Variants in DACH1 observed in about 807,000 individuals in gnomAD.
DACH1 encodes dachshund family transcription factor 1.
A neutral mutation model predicts 54.2 loss-of-function variants in DACH1; 12 were observed. That is an observed-to-expected ratio of 0.22 (90% CI 0.14 to 0.36). The LOEUF (loss-of-function observed/expected upper bound fraction) is 0.36, where lower values mean the gene tolerates loss of function less well. Ranked by LOEUF, DACH1 falls within the 10% of genes least tolerant of loss-of-function variation. The probability of loss-of-function intolerance (pLI) is 1.00; values close to 1 mark genes in which losing one functional copy is unlikely to be tolerated. For synonymous variants in DACH1, 386 were observed against 366.2 expected (o/e 1.05, Z -0.62); for missense variants, 805 against 929.8 (o/e 0.87, Z 1.75).
At chr13:71,594,416 A>G (rs1486395666) in intron 3 of DACH1, among the ~76,000 whole-genome samples, 4 of 152,106 alleles carry the variant, frequency 2.6e-5, no homozygotes, top group Non-Finnish European at 5.9e-5. Flanking sequence ...TTTTACTTTT[A>G]TAGATATTTT....
At chr13:71,819,646 C>T (rs1370189551) in intron 1 of DACH1, among the ~76,000 whole-genome samples, 1 of 152,152 alleles carries the variant, frequency 6.6e-6, no homozygotes, top group African/African-American at 2.4e-5. Context: ...ACATTCCATT[C>T]TCCACTACTG....
At position 71,808,037 on chromosome 13, in the gene DACH1, C is replaced by G. The variant is rs145685014; in HGVS notation, c.848+57885G>C. Among the ~76,000 whole-genome samples the G allele has an allele frequency of 2.8e-3, 427 of 152,260 alleles. 2 individuals are homozygous for G. Among genetic ancestry groups the G allele is most frequent in the African/African-American group, 9.9e-3 (411 of 41,550 alleles). On this transcript the variant is annotated intron_variant, in intron 1 of 10. Coordinates refer to ENST00000613252, the MANE Select transcript of DACH1 (RefSeq NM_080759.6). ...ACATCTCCCCTGCTTAATATCCTTA[C>G]ACATAAGATTCTTTGTGATCTGACC...
chr13:71,606,532 G>A (rs149160438), intron 3 of DACH1, among the ~76,000 whole-genome samples: 1 of 152,012 alleles, frequency 6.6e-6, no homozygotes, highest in East Asian at 1.9e-4. Flanking sequence ...TCAGGAGGTA[G>A]AATGAGTGTT....
chr13:71,753,520 C>T (rs912871085), intron 1 of DACH1, among the ~76,000 whole-genome samples: 4 of 152,006 alleles, frequency 2.6e-5, no homozygotes, highest in African/African-American at 7.2e-5. Flanking sequence ...TTTCATTTAT[C>T]GCTTACCAAG....
intron 1 of DACH1, among the ~76,000 whole-genome samples, chr13:71,805,958 C>A: frequency 6.6e-6 from 1 of 152,078 alleles, no homozygotes; most frequent in East Asian, 1.9e-4. Context: ...CAGGCTTGTG[C>A]CACCATGCCC....
At chr13:71,748,846 CTT>C (rs1258177592) in intron 1 of DACH1, among the ~76,000 whole-genome samples, 12 of 27,946 alleles carry the variant, frequency 4.3e-4, no homozygotes, top group Non-Finnish European at 9.7e-4. Context: ...TATTTTTTCT[CTT>C]TCTTTCTTTC....
At chr13:71,607,012 G>C (rs564339196) in intron 3 of DACH1, among the ~76,000 whole-genome samples, 1 of 151,866 alleles carries the variant, frequency 6.6e-6, no homozygotes, top group Non-Finnish European at 1.5e-5. Flanking sequence ...TCATGTGATT[G>C]GGAACAAAGG....
intron 10 of DACH1, among the ~76,000 whole-genome samples, chr13:71,441,847 T>C (rs546620834): frequency 4.3e-4 from 66 of 152,222 alleles, no homozygotes; most frequent in Non-Finnish European, 8.4e-4. Flanking sequence ...CCAAATTATA[T>C]ATTCCTCTCA....
At chr13:71,579,175 T>C (rs370460820) in intron 3 of DACH1, among the ~76,000 whole-genome samples, 21 of 152,112 alleles carry the variant, frequency 1.4e-4, no homozygotes, top group African/African-American at 4.6e-4. Flanking sequence ...GCTGTTTTGA[T>C]ATATTTATTT....
At chr13:71,749,376 C>G (rs1884821540) in intron 1 of DACH1, among the ~76,000 whole-genome samples, 1 of 151,900 alleles carries the variant, frequency 6.6e-6, no homozygotes, top group Admixed American at 6.6e-5. Context: ...TATCCAATGA[C>G]TAATTTCTAT....
intron 1 of DACH1, 148 bp downstream of exon 1, chr13:71,865,774 C>G: frequency 1.6e-6 from 2 of 1,247,852 alleles, no homozygotes; most frequent in Non-Finnish European, 2.0e-6. Context: ...GGCTGGCGAG[C>G]CCCGAGCAGG....
intron 1 of DACH1, among the ~76,000 whole-genome samples, chr13:71,693,280 T>C (rs1199917875): frequency 6.6e-6 from 1 of 150,498 alleles, no homozygotes; most frequent in Admixed American, 6.6e-5. Context: ...TAATACCCTC[T>C]TATCCATTTG....
At chr13:71,843,268 A>C (rs142756306) in intron 1 of DACH1, among the ~76,000 whole-genome samples, 25 of 151,964 alleles carry the variant, frequency 1.6e-4, no homozygotes, top group African/African-American at 6.0e-4. Flanking sequence ...AATGTTATTT[A>C]TGTATTTATT....
intron 2 of DACH1, among the ~76,000 whole-genome samples, chr13:71,654,710 C>T (rs1878969565): frequency 6.6e-6 from 1 of 152,042 alleles, no homozygotes; most frequent in South Asian, 2.1e-4. Flanking sequence ...ACAAACGTTA[C>T]ATTCAACTCA....
chr13:71,588,225 C>G (rs913123935), intron 3 of DACH1, among the ~76,000 whole-genome samples: 18 of 152,184 alleles, frequency 1.2e-4, no homozygotes, highest in African/African-American at 4.1e-4. Context: ...AGCTTTATCA[C>G]AGGACATAGT....
chr13:71,552,934 C>T (rs1347247476), intron 6 of DACH1, among the ~76,000 whole-genome samples: 1 of 144,412 alleles, frequency 6.9e-6, no homozygotes, highest in Non-Finnish European at 1.5e-5. Flanking sequence ...GTAATCTCAG[C>T]ACTTTGGGAA....
chr13:71,526,235 T>A (rs1881944638), intron 6 of DACH1, among the ~76,000 whole-genome samples: 2 of 152,128 alleles, frequency 1.3e-5, no homozygotes, highest in South Asian at 4.1e-4. Context: ...ACATGCAAAA[T>A]GCAAATACAT....
intron 3 of DACH1, chr13:71,573,479 T>A (rs1220882511): frequency 1.4e-6 from 1 of 715,424 alleles, no homozygotes; most frequent in South Asian, 1.5e-5. Flanking sequence ...GAAGGCTACG[T>A]GCTCCAGGCA....
At chr13:71,441,979 C>T (rs1317159312) in intron 10 of DACH1, among the ~76,000 whole-genome samples, 1 of 151,956 alleles carries the variant, frequency 6.6e-6, no homozygotes, top group Non-Finnish European at 1.5e-5. Context: ...GGCATGCATG[C>T]ATAATAATCA....
Sources: allele counts gnomAD v4.1 joint callset (sites outside exome capture counted in the v4.1 genomes callset), GRCh38; gene constraint gnomAD v4.1.1; transcripts MANE v1.5; gene names NCBI Gene and HGNC (gene_info 2026-07-23, HGNC 2026-07-21).